Variants in ADAM10 observed in about 807,000 individuals in gnomAD.
ADAM10 encodes ADAM metallopeptidase domain 10.
A neutral mutation model predicts 90.1 loss-of-function variants in ADAM10; 17 were observed. That is an observed-to-expected ratio of 0.19 (90% CI 0.13 to 0.28). The LOEUF (loss-of-function observed/expected upper bound fraction) is 0.28, where lower values mean the gene tolerates loss of function less well. Ranked by LOEUF, ADAM10 falls within the 10% of genes least tolerant of loss-of-function variation. The pLI is 1.00. For missense variants in ADAM10, 610 were observed against 914.3 expected (o/e 0.67, Z 4.29); for synonymous variants, 310 against 298.6 (o/e 1.04, Z -0.40).
At position 58,598,826 on chromosome 15, in the gene ADAM10, T is replaced by G. The variant is rs551477252; in HGVS notation, c.2152+772A>C. 9.8e-5 allele frequency among the ~76,000 whole-genome samples: 15 copies of G among 152,344 alleles called. No homozygotes were observed. The East Asian group carries it at 2.9e-3, about 29-fold the overall frequency. On this transcript the variant is annotated intron_variant, in intron 15 of 15. Coordinates refer to ENST00000260408, the MANE Select transcript of ADAM10 (RefSeq NM_001110.4). Reference sequence around the variant, plus strand: ...ATCTAAAGAGGGTTCTTCCTCATGCTATGTCTCCCTGAGAGGTAAAAGGTG... The same window carrying G: ...ATCTAAAGAGGGTTCTTCCTCATGCGATGTCTCCCTGAGAGGTAAAAGGTG...
intron 5 of ADAM10, among the ~76,000 whole-genome samples, chr15:58,648,871 T>C (rs557172724): frequency 1.5e-3 from 221 of 152,246 alleles, no homozygotes; most frequent in African/African-American, 4.9e-3. Flanking sequence ...AAATCTACTT[T>C]GGCTGATAAT....
intron 1 of ADAM10, among the ~76,000 whole-genome samples, chr15:58,747,179 C>T (rs1595676692): frequency 6.6e-6 from 1 of 152,210 alleles, no homozygotes; most frequent in South Asian, 2.1e-4. Flanking sequence ...AATAAAAAAA[C>T]ATGGTTTGCT....
At chr15:58,711,649 G>T (rs1898476070) in intron 2 of ADAM10, among the ~76,000 whole-genome samples, 1 of 152,126 alleles carries the variant, frequency 6.6e-6, no homozygotes, top group Non-Finnish European at 1.5e-5. Flanking sequence ...TAGCAAAGTG[G>T]CGAGAAGACC....
Position 58,611,964 on chromosome 15 carries a change from T to C in ADAM10, c.1539A>G (p.Ala513=), listed in dbSNP as rs983276222. Residue 513 remains alanine, a synonymous_variant, in exon 12 of 16, where the codon GCA becomes GCG. Coordinates refer to ENST00000260408, the MANE Select transcript of ADAM10 (RefSeq NM_001110.4). ...CSPSQGPCCT[A]QCAFKSKSEK... ...CAGACTTTGACTTGAATGCACACTG[T>C]GCTGTACAACAAGGACCTTGACTTG... 1.2e-6 allele frequency: 2 copies of C among 1,614,192 alleles called. No individual in the cohort carries two copies. Among genetic ancestry groups the C allele is most frequent in the Non-Finnish European group, 1.7e-6 (2 of 1,180,034 alleles).
At chr15:58,601,619 T>C (rs892698346) in intron 14 of ADAM10, among the ~76,000 whole-genome samples, 1 of 152,152 alleles carries the variant, frequency 6.6e-6, no homozygotes, top group African/African-American at 2.4e-5. Context: ...ATCATCAAAA[T>C]CAGGAAATCA....
At chr15:58,647,246 GTATTTTTT>G (rs1243507161) in intron 5 of ADAM10, among the ~76,000 whole-genome samples, 3 of 36,852 alleles carry the variant, frequency 8.1e-5, no homozygotes, top group African/African-American at 2.2e-4. Flanking sequence ...TAGACACTAA[GTATTTTTT>G]TTTTTTTTTT....
intron 5 of ADAM10, among the ~76,000 whole-genome samples, chr15:58,663,024 A>G (rs1458689155): frequency 6.6e-6 from 1 of 152,208 alleles, no homozygotes; most frequent in East Asian, 1.9e-4. Context: ...TCAATCCTGC[A>G]ATGCTTGTTT....
At chr15:58,615,130 C>T (rs111499397) in intron 11 of ADAM10, among the ~76,000 whole-genome samples, 2,921 of 151,870 alleles carry the variant, frequency 0.019, 118 homozygotes, top group African/African-American at 0.067. Context: ...AAAAATTAGC[C>T]GGGCGTGGTG....
chr15:58,616,736 C>T (rs890129834), intron 11 of ADAM10, among the ~76,000 whole-genome samples: 2 of 151,992 alleles, frequency 1.3e-5, no homozygotes, highest in Non-Finnish European at 2.9e-5. Flanking sequence ...AAAGCAAGAA[C>T]GAACCAAACC....
chr15:58,623,946 A>G (rs1895860135), intron 10 of ADAM10, among the ~76,000 whole-genome samples: 1 of 150,492 alleles, frequency 6.6e-6, no homozygotes, highest in South Asian at 2.1e-4. Flanking sequence ...GAACCTACAC[A>G]TTCTGCACTT....
chr15:58,715,361 G>A (rs1200845663), intron 2 of ADAM10, among the ~76,000 whole-genome samples: 2 of 150,214 alleles, frequency 1.3e-5, no homozygotes, highest in Admixed American at 1.3e-4. Context: ...GTTGCAATAA[G>A]CCAAGAGAGG....
At chr15:58,660,255 T>C (rs1353570292) in intron 5 of ADAM10, among the ~76,000 whole-genome samples, 1 of 152,094 alleles carries the variant, frequency 6.6e-6, no homozygotes, top group African/African-American at 2.4e-5. Flanking sequence ...ACTGGTGCAA[T>C]CAATCATGGC....
chr15:58,716,510 G>A (rs1379327269), intron 2 of ADAM10, among the ~76,000 whole-genome samples: 1 of 152,180 alleles, frequency 6.6e-6, no homozygotes, highest in Non-Finnish European at 1.5e-5. Flanking sequence ...TATATTCACA[G>A]ACTAGAAGAT....
At chr15:58,654,237 A>G (rs574672684) in intron 5 of ADAM10, among the ~76,000 whole-genome samples, 4 of 151,866 alleles carry the variant, frequency 2.6e-5, no homozygotes, top group South Asian at 4.2e-4. Context: ...CTTTTCTTCT[A>G]CTAATTTCGG....
At chr15:58,724,802 T>C (rs1346820348) in intron 1 of ADAM10, among the ~76,000 whole-genome samples, 1 of 152,154 alleles carries the variant, frequency 6.6e-6, no homozygotes, top group Non-Finnish European at 1.5e-5. Flanking sequence ...GGCTGGAAAA[T>C]GTTCATATTT....
chr15:58,706,741 T>C (rs992052526), intron 2 of ADAM10, among the ~76,000 whole-genome samples: 1 of 151,974 alleles, frequency 6.6e-6, no homozygotes, highest in Non-Finnish European at 1.5e-5. Flanking sequence ...CCAGGTACGG[T>C]GGCTCATGCC....
At chr15:58,610,177 T>C (rs1368398272) in intron 14 of ADAM10, 120 bp downstream of exon 14, 3 of 813,976 alleles carry the variant, frequency 3.7e-6, no homozygotes, top group South Asian at 3.0e-5. Flanking sequence ...AAAATCTTCA[T>C]ATAAAGTAAT....
rs1413781543 is a variant in ADAM10, at chr15:58,591,645, C to T, written c.*5902G>A. On this transcript the variant is annotated 3_prime_UTR_variant, in exon 16 of 16. Coordinates refer to ENST00000260408, the MANE Select transcript of ADAM10 (RefSeq NM_001110.4). Reference sequence around the variant, plus strand: ...TAATAAATCCCCAAGTGCCCATCACCCAGCTTCAATAATTATCAACTCACA... The same window carrying T: ...TAATAAATCCCCAAGTGCCCATCACTCAGCTTCAATAATTATCAACTCACA... The T allele has an allele frequency of 6.6e-6, 1 of 152,088 alleles. No homozygotes were observed. The highest frequency in any genetic ancestry group is 1.9e-4 in the East Asian group (1 of 5,192). The allele number at this position is 152,088 out of a possible 1,614,324, so 9.4% of individuals were successfully genotyped here.
intron 1 of ADAM10, among the ~76,000 whole-genome samples, chr15:58,740,158 ATCCCAAAACTTT>A (rs1419784375): frequency 2.0e-5 from 3 of 152,206 alleles, no homozygotes; most frequent in African/African-American, 7.2e-5. Flanking sequence ...CATGCCTGTA[ATCCCAAAACTTT>A]GGGAGGCTGA....
Sources: allele counts gnomAD v4.1 joint callset (sites outside exome capture counted in the v4.1 genomes callset), GRCh38; gene constraint gnomAD v4.1.1; transcripts MANE v1.5; gene names NCBI Gene and HGNC (gene_info 2026-07-23, HGNC 2026-07-21).